The following ARHGEF7 variants were observed in gnomAD, a reference collection of about 807,000 sequenced individuals.
ARHGEF7 encodes PAK-interacting exchange factor beta.
ARHGEF7 carries 33 observed loss-of-function variants against 109.8 expected under a neutral mutation model. That is an observed-to-expected ratio of 0.30 (90% CI 0.23 to 0.40). The LOEUF is 0.40. Ranked by LOEUF, ARHGEF7 falls within the 10% of genes least tolerant of loss-of-function variation. ARHGEF7 has a pLI of 1.00. For synonymous variants in ARHGEF7, 458 were observed against 424.6 expected (o/e 1.08, Z -0.97); for missense variants, 938 against 1,098.5 (o/e 0.85, Z 2.07).
rs540877701 is a variant in ARHGEF7 at position 111,172,406 on chromosome 13, C to A, written c.252+18415C>A. ...AAATGTGGTCCTGGAAGTATATATT[C>A]TCTTAATATCCCTGAAGTCATGGCA... On this transcript the variant is annotated intron_variant, in intron 2 of 21. Coordinates refer to ENST00000646102, the MANE Select transcript of ARHGEF7 (RefSeq NM_001354046.2). Among the ~76,000 whole-genome samples the A allele has an allele frequency of 6.6e-5, 10 of 152,302 alleles. No individual in the cohort carries two copies. The East Asian group carries it at 1.3e-3, about 21-fold the overall frequency.
chr13:111,301,783 T>C (rs569196405), intron 21 of ARHGEF7, among the ~76,000 whole-genome samples: 1 of 152,164 alleles, frequency 6.6e-6, no homozygotes, highest in Admixed American at 6.5e-5. Flanking sequence ...ACCCAGCTAC[T>C]TGGGAGGCTG....
At position 111,231,930 on chromosome 13, in the gene ARHGEF7, C is replaced by T. The variant is rs543595511; in HGVS notation, c.671-1275C>T. On this transcript the variant is annotated intron_variant, in intron 5 of 21. Transcript: ENST00000646102. ...CTTGGGGAAGAATGTGGGAAAAAACCTCTCCCTTTCCTTTGTCCCCACTAG... is the reference window on the plus strand; with the variant it reads ...CTTGGGGAAGAATGTGGGAAAAAACTTCTCCCTTTCCTTTGTCCCCACTAG... Among the ~76,000 whole-genome samples, 18 of 152,218 alleles carry T rather than the reference C, an allele frequency of 1.2e-4. 1 individual carries two copies. The highest frequency in any genetic ancestry group is 3.9e-4 in the African/African-American group (16 of 41,534).
At chr13:111,223,171 G>T (rs1218480792) in intron 5 of ARHGEF7, among the ~76,000 whole-genome samples, 1 of 152,222 alleles carries the variant, frequency 6.6e-6, no homozygotes. Flanking sequence ...GTGGATAAGG[G>T]TGGGCGGCTA....
At chr13:111,187,691 C>T (rs1274961347) in intron 2 of ARHGEF7, among the ~76,000 whole-genome samples, 1 of 152,218 alleles carries the variant, frequency 6.6e-6, no homozygotes, top group East Asian at 1.9e-4. Context: ...TGAATTTCTA[C>T]ACTTCCTATG....
intron 1 of ARHGEF7, among the ~76,000 whole-genome samples, chr13:111,124,859 A>G (rs1360820747): frequency 1.3e-5 from 2 of 152,176 alleles, no homozygotes; most frequent in Non-Finnish European, 2.9e-5. Context: ...TCCCGGGTTC[A>G]AGTGATTCTC....
intron 2 of ARHGEF7, among the ~76,000 whole-genome samples, chr13:111,160,959 G>A (rs903893788): frequency 3.9e-5 from 6 of 152,134 alleles, no homozygotes; most frequent in African/African-American, 9.7e-5. Flanking sequence ...CAGTGTGAAC[G>A]TGGACTAATG....
At chr13:111,171,167 C>T (rs1025864322) in intron 2 of ARHGEF7, among the ~76,000 whole-genome samples, 1 of 152,170 alleles carries the variant, frequency 6.6e-6, no homozygotes, top group Non-Finnish European at 1.5e-5. Context: ...TTGTTCAGGG[C>T]TCTGTATAAC....
At chr13:111,151,194 A>C (rs1331008067) in intron 1 of ARHGEF7, among the ~76,000 whole-genome samples, 1 of 152,262 alleles carries the variant, frequency 6.6e-6, no homozygotes, top group African/African-American at 2.4e-5. Context: ...TTATAAAACA[A>C]GCAGTCTCAT....
rs546714136 is a variant in ARHGEF7, at chr13:111,152,907, A to G, written c.166-998A>G. Among the ~76,000 whole-genome samples, 12 of 152,360 alleles carry G rather than the reference A, an allele frequency of 7.9e-5. No individual in the cohort carries two copies. The South Asian group carries it at 2.5e-3, about 32-fold the overall frequency. On this transcript the variant is annotated intron_variant, in intron 1 of 21. Coordinates refer to ENST00000646102, the MANE Select transcript of ARHGEF7 (RefSeq NM_001354046.2). The stretch of plus-strand genomic sequence containing the variant: ...CGTGGGTAAGGTCCAAACACCTTAC[A>G]TGTGTTGCTGGTGGCCCTCACAATT...
intron 2 of ARHGEF7, among the ~76,000 whole-genome samples, chr13:111,169,832 G>C (rs576454611): frequency 7.9e-4 from 120 of 152,256 alleles, no homozygotes; most frequent in African/African-American, 2.7e-3. Flanking sequence ...AGGGAGGAGG[G>C]GCCCTGCTCT....
intron 1 of ARHGEF7, among the ~76,000 whole-genome samples, chr13:111,120,486 GAC>G (rs758706503): frequency 5.8e-5 from 8 of 137,486 alleles, no homozygotes; most frequent in Non-Finnish European, 8.1e-5. Context: ...CACACACACA[GAC>G]ACATGCGTGT....
intron 19 of ARHGEF7, among the ~76,000 whole-genome samples, chr13:111,299,561 C>T (rs1311367209): frequency 1.3e-5 from 2 of 152,078 alleles, no homozygotes; most frequent in Non-Finnish European, 2.9e-5. Context: ...CCAGGTTGGT[C>T]TCGATCTCCT....
intron 5 of ARHGEF7, among the ~76,000 whole-genome samples, chr13:111,218,187 A>C (rs1208603522): frequency 6.7e-6 from 1 of 149,474 alleles, no homozygotes; most frequent in African/African-American, 2.5e-5. Context: ...TTTTTTTAAG[A>C]GCTAGTGTCA....
intron 2 of ARHGEF7, among the ~76,000 whole-genome samples, chr13:111,154,521 C>A (rs2076150253): frequency 6.6e-6 from 1 of 152,158 alleles, no homozygotes; most frequent in African/African-American, 2.4e-5. Context: ...ACCAGAAATT[C>A]GGTGGTTTTT....
chr13:111,225,066 G>T (rs1299488066), intron 5 of ARHGEF7, among the ~76,000 whole-genome samples: 11 of 152,122 alleles, frequency 7.2e-5, no homozygotes, highest in Non-Finnish European at 1.6e-4. Context: ...TTTCTGGCGT[G>T]TGAAAGTGAA....
chr13:111,244,443 A>AAGCT (rs2088404242), intron 8 of ARHGEF7, 149 bp downstream of exon 8: 6 of 594,820 alleles, frequency 1.0e-5, no homozygotes, highest in Non-Finnish European at 1.5e-5. Flanking sequence ...TTTACAGTAA[A>AAGCT]AGCTGTATTT....
intron 2 of ARHGEF7, among the ~76,000 whole-genome samples, chr13:111,157,461 C>T (rs2076426181): frequency 6.6e-6 from 1 of 151,810 alleles, no homozygotes. Flanking sequence ...GGGTAGATCA[C>T]CTTAGGTCAG....
intron 8 of ARHGEF7, among the ~76,000 whole-genome samples, chr13:111,245,799 T>C (rs778528548): frequency 2.6e-5 from 4 of 152,264 alleles, no homozygotes; most frequent in Non-Finnish European, 4.4e-5. Flanking sequence ...GCCTTTTGTC[T>C]AACATTTCCA....
chr13:111,130,395 G>A (rs1017036665), intron 1 of ARHGEF7, among the ~76,000 whole-genome samples: 20 of 152,232 alleles, frequency 1.3e-4, no homozygotes, highest in Admixed American at 3.3e-4. Flanking sequence ...GCATAATTAC[G>A]TTTTTGTTGA....
Sources: allele counts gnomAD v4.1 joint callset (sites outside exome capture counted in the v4.1 genomes callset), GRCh38; gene constraint gnomAD v4.1.1; transcripts MANE v1.5; gene names NCBI Gene and HGNC (gene_info 2026-07-23, HGNC 2026-07-21).